The following LRP1B variants were observed in gnomAD, a reference collection of about 807,000 sequenced individuals.
LRP1B encodes the protein LDL receptor related protein 1B.
Under a neutral mutation model 556.6 loss-of-function variants are expected in LRP1B, and 217 were observed. The observed-to-expected ratio is 0.39, with a 90% CI of 0.35 to 0.44. The LOEUF (loss-of-function observed/expected upper bound fraction) is 0.44. LRP1B is among the 20% of genes least tolerant of loss of function. The pLI, the probability that LRP1B is intolerant of heterozygous loss-of-function variation, is 1.00. For missense variants in LRP1B, 5,053 were observed against 5,620.8 expected (o/e 0.90, Z 3.23); for synonymous variants, 2,047 against 1,865.8 (o/e 1.10, Z -2.50).
intron 3 of LRP1B, among the ~76,000 whole-genome samples, chr2:141,469,931 T>C (rs1682396933): frequency 6.6e-6 from 1 of 152,232 alleles, no homozygotes; most frequent in Admixed American, 6.5e-5. Flanking sequence ...ATAAAACATT[T>C]GTGACAGTAA....
At chr2:141,446,301 T>C (rs938654337) in intron 3 of LRP1B, among the ~76,000 whole-genome samples, 5 of 152,166 alleles carry the variant, frequency 3.3e-5, no homozygotes, top group African/African-American at 9.7e-5. Flanking sequence ...AGTCTATGTG[T>C]GTCTTTATAT....
chr2:140,506,753 C>G (rs2104906537), intron 53 of LRP1B, 43 bp downstream of exon 53: 2 of 1,584,902 alleles, frequency 1.3e-6, no homozygotes, highest in Non-Finnish European at 1.7e-6. Flanking sequence ...TTGAAAGACT[C>G]TTAGCCTAGG....
At chr2:141,992,412 G>A (rs1385343076) in intron 1 of LRP1B, among the ~76,000 whole-genome samples, 1 of 152,088 alleles carries the variant, frequency 6.6e-6, no homozygotes, top group African/African-American at 2.4e-5. Flanking sequence ...CCATTAATTG[G>A]AATAGATGGT....
chr2:140,273,436 T>C (rs1300400647), intron 85 of LRP1B, among the ~76,000 whole-genome samples: 1 of 152,168 alleles, frequency 6.6e-6, no homozygotes, highest in East Asian at 1.9e-4. Context: ...AATATCCCAA[T>C]TTTGCAGGTT....
At chr2:141,627,391 T>C (rs552784205) in intron 2 of LRP1B, among the ~76,000 whole-genome samples, 1 of 152,322 alleles carries the variant, frequency 6.6e-6, no homozygotes, top group South Asian at 2.1e-4. Context: ...TGTCAACACC[T>C]ATACAATGTA....
intron 3 of LRP1B, among the ~76,000 whole-genome samples, chr2:141,257,067 GTC>G (rs1265605162): frequency 1.3e-5 from 2 of 151,874 alleles, no homozygotes; most frequent in African/African-American, 4.8e-5. Flanking sequence ...AAGAAGAGTA[GTC>G]TATAGAGGCA....
intron 32 of LRP1B, among the ~76,000 whole-genome samples, chr2:140,810,320 G>A (rs2105028723): frequency 6.6e-6 from 1 of 152,116 alleles, no homozygotes; most frequent in African/African-American, 2.4e-5. Context: ...TCATACATTT[G>A]TATATACTAA....
rs1423967854 is a variant in LRP1B, at chr2:141,414,323, TAAAG to T, written c.343+66069_343+66072del. Among the ~76,000 whole-genome samples the T allele has an allele frequency of 6.2e-4, 63 of 101,170 alleles. 1 individual carries two copies. The Admixed American group carries it at 6.3e-3, about 10-fold the overall frequency. The allele number at this position is 101,170 out of a possible 152,430, so 66.4% of individuals were successfully genotyped here. A position where few individuals can be genotyped will look rare whatever the true frequency, so the allele number is the denominator to read the frequency against. ...GAAAAGAAAAGAAAAAAGAAAGAGA[TAAAG>T]AGAGAAAGAGAGAGAGAGAGGAAGG... is the stretch of plus-strand genomic sequence containing the variant. On this transcript the variant is annotated intron_variant, in intron 3 of 90. Transcript: ENST00000389484.
At chr2:140,353,120 C>T in intron 75 of LRP1B, 48 bp from the exon 76 acceptor site, 2 of 1,581,338 alleles carry the variant, frequency 1.3e-6, no homozygotes, top group Non-Finnish European at 1.7e-6. Context: ...TCAATTCAGA[C>T]TCCTATTCTT....
intron 3 of LRP1B, among the ~76,000 whole-genome samples, chr2:141,404,665 G>A (rs12988273): frequency 0.057 from 8,679 of 152,172 alleles, 452 homozygotes; most frequent in African/African-American, 0.14. Flanking sequence ...TGAATGTATA[G>A]TGGCATAATT....
At chr2:140,946,452 T>C (rs1288179570) in intron 20 of LRP1B, among the ~76,000 whole-genome samples, 1 of 151,872 alleles carries the variant, frequency 6.6e-6, no homozygotes, top group Non-Finnish European at 1.5e-5. Context: ...ATATGAAAAT[T>C]AGCTGGGTAT....
At chr2:140,301,889 G>A (rs997974171) in intron 83 of LRP1B, among the ~76,000 whole-genome samples, 1 of 151,510 alleles carries the variant, frequency 6.6e-6, no homozygotes, top group African/African-American at 2.4e-5. Flanking sequence ...GTATGTGTAT[G>A]TGTGTGTATA....
intron 35 of LRP1B, among the ~76,000 whole-genome samples, chr2:140,766,840 TATATTA>T (rs200597217): frequency 0.45 from 31,853 of 71,314 alleles, 4,233 homozygotes; most frequent in East Asian, 0.53. Context: ...TATATATATA[TATATTA>T]TATATATATA....
intron 3 of LRP1B, among the ~76,000 whole-genome samples, chr2:141,350,481 A>G (rs946910205): frequency 9.9e-5 from 15 of 152,072 alleles, no homozygotes; most frequent in Admixed American, 7.2e-4. Context: ...CTGGACTGAA[A>G]CATTTTTCTT....
chr2:142,083,760 C>T (rs1333161608), intron 1 of LRP1B, among the ~76,000 whole-genome samples: 2 of 152,144 alleles, frequency 1.3e-5, no homozygotes, highest in South Asian at 2.1e-4. Flanking sequence ...CTAGACTGTA[C>T]ATTAAATGGA....
intron 2 of LRP1B, among the ~76,000 whole-genome samples, chr2:141,650,115 G>C (rs1025144893): frequency 4.6e-5 from 7 of 152,208 alleles, no homozygotes; most frequent in African/African-American, 1.7e-4. Flanking sequence ...AGGAGGCGGA[G>C]GTTGCAGTCA....
At chr2:140,970,843 T>A (rs1696398847) in intron 18 of LRP1B, among the ~76,000 whole-genome samples, 1 of 147,414 alleles carries the variant, frequency 6.8e-6, no homozygotes, top group Non-Finnish European at 1.5e-5. Flanking sequence ...TGGGTTCAGG[T>A]GATCCTCCCA....
At chr2:140,521,303 T>C (rs149329483) in intron 49 of LRP1B, among the ~76,000 whole-genome samples, 24 of 152,094 alleles carry the variant, frequency 1.6e-4, no homozygotes, top group African/African-American at 5.5e-4. Context: ...GCTACAAAAA[T>C]TGGCCACATC....
intron 1 of LRP1B, among the ~76,000 whole-genome samples, chr2:141,919,624 T>G (rs894458518): frequency 6.6e-6 from 1 of 152,066 alleles, no homozygotes; most frequent in Non-Finnish European, 1.5e-5. Context: ...ATGAAAATTA[T>G]GAAACAGTGT....
Sources: allele counts gnomAD v4.1 joint callset (sites outside exome capture counted in the v4.1 genomes callset), GRCh38; gene constraint gnomAD v4.1.1; transcripts MANE v1.5; gene names NCBI Gene and HGNC (gene_info 2026-07-23, HGNC 2026-07-21).